The following D2HGDH variants were observed in gnomAD, a reference collection of about 807,000 sequenced individuals.
D2HGDH encodes D-2-hydroxyglutarate dehydrogenase, mitochondrial.
In D2HGDH, 31 loss-of-function variants were observed where a neutral mutation model predicts 46.9. The ratio of observed to expected loss-of-function variants is 0.66; its 90% CI spans 0.50 to 0.89. The LOEUF (loss-of-function observed/expected upper bound fraction) is 0.89. D2HGDH is among the 40% of genes least tolerant of loss of function. The pLI, the probability that D2HGDH is intolerant of heterozygous loss-of-function variation, is 0.00. For missense variants in D2HGDH, 698 were observed against 720.8 expected (o/e 0.97, Z 0.36); for synonymous variants, 364 against 332.6 (o/e 1.09, Z -1.03).
chr2:241,757,508 A>C (rs1260897899), intron 9 of D2HGDH, among the ~76,000 whole-genome samples: 4 of 151,994 alleles, frequency 2.6e-5, no homozygotes, highest in Non-Finnish European at 5.9e-5. Flanking sequence ...GTGTGTCATC[A>C]TCCAGAGAAG....
chr2:241,747,130 C>T (rs1053206000), intron 6 of D2HGDH, among the ~76,000 whole-genome samples: 2 of 152,068 alleles, frequency 1.3e-5, no homozygotes, highest in African/African-American at 4.8e-5. Flanking sequence ...TATGTAGAAA[C>T]AGGGTCTCAT....
In D2HGDH at chr2:241,751,371, G is replaced by T. The variant is rs267606759; in HGVS notation, c.1123G>T (p.Asp375Tyr). 6.8e-6 allele frequency: 11 copies of T among 1,613,398 alleles called. No individual in the cohort carries two copies. The African/African-American group carries it at 1.1e-4, about 16-fold the overall frequency. ...GLVTDGTMAT[D>Y]QRKVKMLWAL... The stretch of plus-strand genomic sequence containing the variant: ...GGTGACCGATGGGACCATGGCCACC[G>T]ACCAGAGGAAAGTCAAGGTGCCCTG... Residue 375 changes from aspartate (D) to tyrosine (Y), a missense_variant, in exon 8 of 10, where the codon GAC becomes TAC. Transcript: ENST00000321264.
intron 6 of D2HGDH, among the ~76,000 whole-genome samples, chr2:241,746,235 T>G (rs1054273317): frequency 6.6e-6 from 1 of 152,178 alleles, no homozygotes; most frequent in African/African-American, 2.4e-5. Context: ...CATCATCGTG[T>G]CTCTCTGTGC....
At chr2:241,744,981 C>CCG (rs567209414) in intron 6 of D2HGDH, 104 bp downstream of exon 6, 3 of 1,475,292 alleles carry the variant, frequency 2.0e-6, no homozygotes, top group African/African-American at 1.4e-5. Context: ...GACCCCCCGC[C>CCG]AAGGACAGTC....
rs370555529 is a variant in D2HGDH at position 241,743,507 on chromosome 2, G to A, written c.491-115G>A. On this transcript the variant is annotated intron_variant, in intron 4 of 9. Coordinates refer to ENST00000321264, the MANE Select transcript of D2HGDH (RefSeq NM_152783.5). The surrounding 1 kb of genome is among the most constrained non-coding windows in gnomAD (Gnocchi z 4.8). ...GGTGCCTCTTCTCCTCAGCCCTGGC[G>A]CTGAGGCTGATGTTCCTTCTGGGTG... 2.1e-5 allele frequency: 26 copies of A among 1,230,908 alleles called. No homozygotes were observed. Among genetic ancestry groups the A allele is most frequent in the East Asian group, 2.5e-5 (1 of 39,450 alleles). 76.2% of individuals were successfully genotyped at this position (1,230,908 alleles called of 1,614,324 possible). A position where few individuals can be genotyped will look rare whatever the true frequency, so the allele number is the denominator to read the frequency against.
In D2HGDH at chr2:241,755,032, C is replaced by T. The variant is rs1313768223; in HGVS notation, c.1141-817C>T. 5.4e-6 allele frequency: 7 copies of T among 1,295,538 alleles called. No homozygotes were observed. The Admixed American group carries it at 6.9e-5, about 13-fold the overall frequency. The allele number at this position is 1,295,538 out of a possible 1,614,324, so 80.3% of individuals were successfully genotyped here. On this transcript the variant is annotated intron_variant, in intron 8 of 9. Coordinates refer to ENST00000321264, the MANE Select transcript of D2HGDH (RefSeq NM_152783.5). ...CCACAGAGGATGGCTCTGTCCTGTT[C>T]CTCATGGTGCAGATCTCCACAATGG...
intron 1 of D2HGDH, 119 bp from the exon 2 acceptor site, chr2:241,735,014 A>T (rs1692362415): frequency 3.6e-6 from 2 of 552,438 alleles, no homozygotes; most frequent in Middle Eastern, 4.8e-4. Context: ...GGGCAGGGGG[A>T]GGGCCCGGGT....
intron 9 of D2HGDH, among the ~76,000 whole-genome samples, chr2:241,758,847 G>A (rs1351129127): frequency 6.6e-6 from 1 of 150,542 alleles, no homozygotes; most frequent in Non-Finnish European, 1.5e-5. Context: ...TTGTGTGGCC[G>A]GACCGGTCTT....
chr2:241,745,157 A>G lies in D2HGDH; in HGVS notation c.853+280A>G, dbSNP rs1035322051. 1.1e-4 allele frequency among the ~76,000 whole-genome samples: 17 copies of G among 152,248 alleles called. 1 individual carries two copies. The highest frequency in any genetic ancestry group is 6.8e-3 in the Middle Eastern group (2 of 294). The stretch of plus-strand genomic sequence containing the variant: ...AGGCTTGTGTTGCCTCATTCACCCC[A>G]TCGTGTTGGTTGAGTAGCTTGTGGA... On this transcript the variant is annotated intron_variant, in intron 6 of 9. Coordinates refer to ENST00000321264, the MANE Select transcript of D2HGDH (RefSeq NM_152783.5).
Position 241,767,715 on chromosome 2 carries a change from G to A in D2HGDH, c.1312G>A (p.Gly438Ser). The change falls in exon 10 of 10, where the codon GGT (glycine) becomes AGT (serine). Residue 438 changes from glycine to serine, a missense_variant. By Grantham distance (56) the Gly-to-Ser change is moderately conservative. Transcript: ENST00000321264. ...ATGTGCCCTTGTCCCTCCAGGAGAT[G>A]GTAACCTGCACCTCAATGTGACGGC... is the stretch of plus-strand genomic sequence containing the variant. ...HVVGYGHLGD[G>S]NLHLNVTAEA... The A allele has an allele frequency of 6.2e-7, 1 of 1,612,872 alleles. No homozygotes were observed.
rs565569243 is a variant in D2HGDH, at chr2:241,747,052, G to A, written c.853+2175G>A. On this transcript the variant is annotated intron_variant, in intron 6 of 9. Transcript: ENST00000321264. ...GTGTGATCATAGCCCCTGGGTTCAAGCCATCCTCTTGAGTAGCTGGGATTA... is the reference window on the plus strand; with the variant it reads ...GTGTGATCATAGCCCCTGGGTTCAAACCATCCTCTTGAGTAGCTGGGATTA... 9.1e-4 allele frequency among the ~76,000 whole-genome samples: 138 copies of A among 152,050 alleles called. 2 individuals carry two copies. The highest frequency in any genetic ancestry group is 3.4e-3 in the Middle Eastern group (1 of 294).
chr2:241,742,380 A>AAGG lies in D2HGDH; in HGVS notation c.351-55_351-54insAGG. On this transcript the variant is annotated intron_variant, in intron 3 of 9. Coordinates refer to ENST00000321264, the MANE Select transcript of D2HGDH (RefSeq NM_152783.5). The surrounding 1 kb of genome is among the most constrained non-coding windows in gnomAD (Gnocchi z 4.8). ...CTGGTCCTGCGGCGTGTCCTTGGGG[A>AAGG]TGGTGGCGTAGGGGTGGGGACAGAG... The AAGG allele has an allele frequency of 6.5e-7, 1 of 1,548,904 alleles. No individual in the cohort carries two copies. Among genetic ancestry groups the AAGG allele is most frequent in the Non-Finnish European group, 8.7e-7 (1 of 1,143,072 alleles).
Position 241,744,789 on chromosome 2 carries a change from C to T in D2HGDH, c.765C>T (p.Phe255=). 6.2e-7 allele frequency: 1 copy of T among 1,614,246 alleles called. No homozygotes were observed. The highest frequency in any genetic ancestry group is 1.3e-5 in the African/African-American group (1 of 75,058). The change falls in exon 6 of 10, where the codon TTC becomes TTT. Residue 255 remains phenylalanine, a synonymous_variant. Coordinates refer to ENST00000321264, the MANE Select transcript of D2HGDH (RefSeq NM_152783.5). ...DNTGYDLKQL[F]IGSEGTLGII... is the part of the protein sequence containing the mutation. The stretch of plus-strand genomic sequence containing the variant: ...CGGGCTATGACCTGAAGCAGCTGTT[C>T]ATCGGGTCGGAGGGCACTTTGGGGA...
intron 8 of D2HGDH, among the ~76,000 whole-genome samples, chr2:241,752,299 C>G (rs150746484): frequency 6.6e-6 from 1 of 152,146 alleles, no homozygotes; most frequent in Non-Finnish European, 1.5e-5. Flanking sequence ...TGTCCTGATG[C>G]CCAGCCCAGG....
chr2:241,738,616 C>T (rs774018173), intron 2 of D2HGDH, among the ~76,000 whole-genome samples: 3 of 152,220 alleles, frequency 2.0e-5, no homozygotes, highest in Non-Finnish European at 2.9e-5. Context: ...TCTGCCTTGC[C>T]TGAGCCTGAC....
At chr2:241,751,206 C>G in intron 7 of D2HGDH, 40 bp from the exon 8 acceptor site, 1 of 1,613,522 alleles carries the variant, frequency 6.2e-7, no homozygotes, top group East Asian at 2.2e-5. Flanking sequence ...CCCTGGCAGC[C>G]GGAGCCTCTG....
intron 9 of D2HGDH, among the ~76,000 whole-genome samples, chr2:241,758,288 G>A (rs918397301): frequency 6.6e-6 from 1 of 152,206 alleles, no homozygotes; most frequent in Non-Finnish European, 1.5e-5. Flanking sequence ...GAACTTGCCA[G>A]TGGAGCTGTT....
chr2:241,759,660 T>C (rs2125165806), intron 9 of D2HGDH, among the ~76,000 whole-genome samples: 1 of 152,280 alleles, frequency 6.6e-6, no homozygotes, highest in East Asian at 1.9e-4. Context: ...TTTGGATTTG[T>C]CTACTTCACC....
At chr2:241,761,702 T>C (rs894340872) in intron 9 of D2HGDH, among the ~76,000 whole-genome samples, 1 of 152,188 alleles carries the variant, frequency 6.6e-6, no homozygotes, top group African/African-American at 2.4e-5. Flanking sequence ...TGGTGTATTC[T>C]GGTTCTGCCT....
Sources: gnomAD v4.1 joint callset for allele counts (sites outside exome capture counted in the v4.1 genomes callset) on GRCh38, gnomAD v4.1.1 for gene constraint, Gnocchi (gnomAD v3.1) non-coding constraint, MANE v1.5 for transcripts, NCBI Gene and HGNC (gene_info 2026-07-23, HGNC 2026-07-21) for gene names.